The following MGAM2 variants were observed in gnomAD, a reference collection of about 807,000 sequenced individuals.
The protein encoded by MGAM2 is maltase-glucoamylase 2 (putative).
MGAM2 carries 98 observed loss-of-function variants against 96.1 expected under a neutral mutation model. The observed-to-expected ratio is 1.02, with a 90% CI of 0.87 to 1.21. MGAM2 has a LOEUF of 1.21. Among genes scored for constraint, MGAM2 ranks in the 50% most tolerant of loss-of-function variants. The pLI is 0.00. For missense variants in MGAM2, 2,055 were observed against 1,182.4 expected, an observed-to-expected ratio of 1.74 and a Z score of -10.82; for synonymous variants, 749 against 414.8, an observed-to-expected ratio of 1.81 and a Z score of -9.79.
intron 7 of MGAM2, among the ~76,000 whole-genome samples, chr7:142,135,748 A>G (rs1478778457): frequency 2.6e-5 from 4 of 151,856 alleles, no homozygotes; most frequent in Admixed American, 1.3e-4. Flanking sequence ...ACACACACAC[A>G]CACACATTAT....
At position 142,196,878 on chromosome 7, in the gene MGAM2, C is replaced by T. The variant is rs563842885; in HGVS notation, c.4632+62C>T. On this transcript the variant is annotated intron_variant, in intron 40 of 47. Coordinates refer to ENST00000477922, the MANE Select transcript of MGAM2 (RefSeq NM_001293626.2). ...CTCAAATCATAACTTCTTTTTAACC[C>T]CCAGGACTATTATACTCATTTCCTG... The T allele has an allele frequency of 1.4e-5, 10 of 703,608 alleles. No individual in the cohort carries two copies. The South Asian group carries it at 1.5e-4, about 11-fold the overall frequency. 43.6% of individuals were successfully genotyped at this position (703,608 alleles called of 1,614,324 possible).
chr7:142,140,139 A>G (rs934212894), intron 10 of MGAM2, among the ~76,000 whole-genome samples: 10 of 152,134 alleles, frequency 6.6e-5, no homozygotes, highest in Admixed American at 6.5e-4. Flanking sequence ...GGGGAAAAAA[A>G]GAGCATCTGA....
At chr7:142,138,429 A>G in intron 9 of MGAM2, 113 bp from the exon 10 acceptor site, 1 of 590,330 alleles carries the variant, frequency 1.7e-6, no homozygotes, top group Non-Finnish European at 3.0e-6. Flanking sequence ...AATTTCACAA[A>G]TTATTCTAGC....
chr7:142,138,152 T>C (rs1795115501), intron 9 of MGAM2, among the ~76,000 whole-genome samples: 1 of 152,230 alleles, frequency 6.6e-6, no homozygotes, highest in Admixed American at 6.5e-5. Context: ...CACCACTATC[T>C]GAAATTATAT....
At chr7:142,187,907 A>C (rs1296422762) in intron 36 of MGAM2, 73 bp downstream of exon 36, 1 of 672,330 alleles carries the variant, frequency 1.5e-6, no homozygotes, top group Non-Finnish European at 2.7e-6. Context: ...TTACTGTCAA[A>C]GTGAAGCCTA....
At chr7:142,197,789 G>C in intron 42 of MGAM2, 61 bp downstream of exon 42, 2 of 701,502 alleles carry the variant, frequency 2.9e-6, no homozygotes, top group South Asian at 3.0e-5. Flanking sequence ...CATGGGAAAA[G>C]CATTTTAAAG....
chr7:142,209,128 G>A (rs1038303328), intron 46 of MGAM2, among the ~76,000 whole-genome samples: 1 of 151,988 alleles, frequency 6.6e-6, no homozygotes, highest in East Asian at 1.9e-4. Flanking sequence ...AGGTAATCTT[G>A]GCTGTATTCA....
At position 142,136,544 on chromosome 7, in the gene MGAM2, A is replaced by G. The variant is rs1795064020; in HGVS notation, c.751A>G (p.Met251Val). 7.3e-6 allele frequency: 5 copies of G among 686,190 alleles called. No homozygotes were observed. The Admixed American group carries it at 1.1e-4, about 15-fold the overall frequency. The allele number at this position is 686,190 out of a possible 1,614,324, so 42.5% of individuals were successfully genotyped here. ...TTTTCTTCTGTTTTGCTGATAGGGC[A>G]TGATTAATCTGTATGGAGCTCATAC... ...FTRDATPTEG[M>V]INLYGAHTFF... The change falls in exon 8 of 48, where the codon ATG becomes GTG. Residue 251 changes from methionine to valine, a missense_variant. Physicochemically the swap from Met to Val is conservative, Grantham distance 21. Coordinates refer to ENST00000477922, the MANE Select transcript of MGAM2 (RefSeq NM_001293626.2).
Position 142,154,207 on chromosome 7 carries a change from C to A in MGAM2, c.1806+18C>A. 3.5e-6 allele frequency: 2 copies of A among 570,414 alleles called. No homozygotes were observed. The highest frequency in any genetic ancestry group is 6.5e-6 in the Non-Finnish European group (2 of 307,554). The allele number at this position is 570,414 out of a possible 1,614,324, so 35.3% of individuals were successfully genotyped here. On this transcript the variant is annotated intron_variant, in intron 16 of 47. Coordinates refer to ENST00000477922, the MANE Select transcript of MGAM2 (RefSeq NM_001293626.2). Reference sequence around the variant, plus strand: ...TCCCCATGGTGAGCCTTATTTCCAACCAGGGAACTTTAACCCTTTGTCTGT... The same window carrying A: ...TCCCCATGGTGAGCCTTATTTCCAAACAGGGAACTTTAACCCTTTGTCTGT...
chr7:142,130,581 G>A lies in MGAM2; in HGVS notation c.187-367G>A, dbSNP rs531962182. Reference sequence around the variant, plus strand: ...GGAAGCTCTCCCTACCCCACTCCACGCCTACTAGGCTGGGTACAGTGACTG... The same window carrying A: ...GGAAGCTCTCCCTACCCCACTCCACACCTACTAGGCTGGGTACAGTGACTG... On this transcript the variant is annotated intron_variant, in intron 3 of 47. Transcript: ENST00000477922. Among the ~76,000 whole-genome samples, 16 of 152,214 alleles carry A rather than the reference G, an allele frequency of 1.1e-4. No homozygotes were observed. The South Asian group carries it at 1.7e-3, about 16-fold the overall frequency.
chr7:142,147,795 A>T (rs1414781480), intron 15 of MGAM2, among the ~76,000 whole-genome samples: 1 of 152,228 alleles, frequency 6.6e-6, no homozygotes, highest in African/African-American at 2.4e-5. Context: ...GCTTATTTCA[A>T]GGATACTAGC....
rs1315071401 is a variant in MGAM2 at position 142,165,005 on chromosome 7, C to A, written c.2634C>A (p.Val878=). 1 of 700,502 alleles carries A rather than the reference C, an allele frequency of 1.4e-6. No individual in the cohort carries two copies. The highest frequency in any genetic ancestry group is 2.6e-6 in the Non-Finnish European group (1 of 384,034). 43.4% of individuals were successfully genotyped at this position (700,502 alleles called of 1,614,324 possible). The part of the protein sequence containing the change: ...NNVATSSPSV[V]YNASTKVVTI... ...TTGCCACCTCCAGTCCAAGCGTTGTCTACAATGCTTCCACAAAGGTAAGAG... is the reference window on the plus strand; with the variant it reads ...TTGCCACCTCCAGTCCAAGCGTTGTATACAATGCTTCCACAAAGGTAAGAG... Residue 878 remains valine (V), a synonymous_variant, in exon 24 of 48, where the codon GTC becomes GTA. Coordinates refer to ENST00000477922, the MANE Select transcript of MGAM2 (RefSeq NM_001293626.2).
intron 46 of MGAM2, among the ~76,000 whole-genome samples, chr7:142,212,779 G>A (rs1349873473): frequency 6.6e-6 from 1 of 152,042 alleles, no homozygotes; most frequent in East Asian, 1.9e-4. Context: ...AGATCAACAA[G>A]ACAGAAAATT....
At chr7:142,184,639 A>T (rs1400917139) in intron 33 of MGAM2, among the ~76,000 whole-genome samples, 1 of 152,326 alleles carries the variant, frequency 6.6e-6, no homozygotes, top group African/African-American at 2.4e-5. Context: ...TTAATGCTAC[A>T]TATACTTGGA....
At chr7:142,121,568 C>G (rs1794574810) in intron 3 of MGAM2, among the ~76,000 whole-genome samples, 1 of 151,980 alleles carries the variant, frequency 6.6e-6, no homozygotes, top group African/African-American at 2.4e-5. Flanking sequence ...CTACGTATTT[C>G]ACATCCTTGG....
chr7:142,171,516 A>T (rs1796184244), intron 28 of MGAM2, 76 bp downstream of exon 28: 1 of 643,092 alleles, frequency 1.6e-6, no homozygotes, highest in African/African-American at 1.8e-5. Context: ...CTTATATATG[A>T]TACCTTGCTC....
chr7:142,144,188 A>G (rs933448842), intron 13 of MGAM2, among the ~76,000 whole-genome samples: 2 of 152,170 alleles, frequency 1.3e-5, no homozygotes, highest in Non-Finnish European at 2.9e-5. Flanking sequence ...AATTGCTACT[A>G]TTTGTAGCAT....
At chr7:142,156,214 C>T (rs1246878694) in intron 17 of MGAM2, among the ~76,000 whole-genome samples, 2 of 151,686 alleles carry the variant, frequency 1.3e-5, no homozygotes, top group South Asian at 2.1e-4. Flanking sequence ...CTTTATATAG[C>T]TCAATGTGTA....
intron 1 of MGAM2, among the ~76,000 whole-genome samples, chr7:142,112,342 G>C (rs1817202229): frequency 6.6e-6 from 1 of 152,158 alleles, no homozygotes; most frequent in African/African-American, 2.4e-5. Flanking sequence ...GAGCTAAGGT[G>C]CTGAACCTGC....
Sources: gnomAD v4.1 joint callset for allele counts (sites outside exome capture counted in the v4.1 genomes callset) on GRCh38, gnomAD v4.1.1 for gene constraint, MANE v1.5 for transcripts, NCBI Gene and HGNC (gene_info 2026-07-23, HGNC 2026-07-21) for gene names.